The following GSTCD variants were observed in gnomAD, a reference collection of about 807,000 sequenced individuals.
GSTCD encodes glutathione S-transferase C-terminal domain-containing protein.
Under a neutral mutation model 68.3 loss-of-function variants are expected in GSTCD, and 44 were observed. The observed-to-expected ratio is 0.64, with a 90% CI of 0.51 to 0.83. The LOEUF (loss-of-function observed/expected upper bound fraction) is 0.83. Among genes scored for constraint, GSTCD ranks in the 40% least tolerant of loss-of-function variants. The pLI is 0.00. For synonymous variants in GSTCD, 273 were observed against 255.2 expected, an observed-to-expected ratio of 1.07 and a Z score of -0.67; for missense variants, 739 against 735.9, an observed-to-expected ratio of 1.00 and a Z score of -0.05.
At chr4:105,834,379 A>G in intron 8 of GSTCD, 82 bp from the exon 9 acceptor site, 1 of 1,365,016 alleles carries the variant, frequency 7.3e-7, no homozygotes, top group Non-Finnish European at 1.0e-6. Context: ...GGTATGGCCA[A>G]ATGAGAACTA....
chr4:105,780,695 C>T lies in GSTCD; in HGVS notation c.1241-42259C>T, dbSNP rs186600227. Reference sequence around the variant, plus strand: ...CACATTTAACTCATGTCAAATGATTCTTTTATAATAGAAGTATTAATTTAT... The same window carrying T: ...CACATTTAACTCATGTCAAATGATTTTTTTATAATAGAAGTATTAATTTAT... On this transcript the variant is annotated intron_variant, in intron 5 of 11. Coordinates refer to ENST00000515279, the MANE Select transcript of GSTCD (RefSeq NM_001370181.1). Among the ~76,000 whole-genome samples, 57 of 152,138 alleles carry T rather than the reference C, an allele frequency of 3.7e-4. 1 individual carries two copies. The East Asian group carries it at 0.011, about 29-fold the overall frequency.
intron 9 of GSTCD, among the ~76,000 whole-genome samples, chr4:105,836,640 G>C (rs933171882): frequency 3.9e-5 from 6 of 152,158 alleles, no homozygotes; most frequent in Non-Finnish European, 8.8e-5. Flanking sequence ...GGCGGGGGTG[G>C]GGGCTGGCAT....
rs529584846 is a variant in GSTCD, at chr4:105,824,906, A to G, written c.1402-766A>G. Among the ~76,000 whole-genome samples the G allele has an allele frequency of 5.3e-5, 8 of 151,686 alleles. No individual in the cohort carries two copies. The South Asian group carries it at 1.7e-3, about 32-fold the overall frequency. On this transcript the variant is annotated intron_variant, in intron 7 of 11. Coordinates refer to ENST00000515279, the MANE Select transcript of GSTCD (RefSeq NM_001370181.1). ...CTTCATGTGTTTCTCTCCCTAAAAT[A>G]CCCTTCCATTCCCCCCAAACCGATT...
chr4:105,740,937 A>G (rs1733613222), intron 5 of GSTCD, among the ~76,000 whole-genome samples: 1 of 151,312 alleles, frequency 6.6e-6, no homozygotes, highest in Non-Finnish European at 1.5e-5. Context: ...AGGCCCTATA[A>G]ATTTTCCTTA....
chr4:105,738,994 T>C (rs538528529), intron 5 of GSTCD, among the ~76,000 whole-genome samples: 5 of 152,342 alleles, frequency 3.3e-5, no homozygotes, highest in African/African-American at 1.2e-4. Flanking sequence ...ACCTTTATTA[T>C]GTTGAGGTAT....
At chr4:105,718,296 C>G (rs978259526) in intron 2 of GSTCD, among the ~76,000 whole-genome samples, 1 of 152,122 alleles carries the variant, frequency 6.6e-6, no homozygotes, top group African/African-American at 2.4e-5. Context: ...GCAGATGCCT[C>G]GTAAATGGCT....
At chr4:105,815,955 A>G (rs952694713) in intron 5 of GSTCD, among the ~76,000 whole-genome samples, 3 of 152,186 alleles carry the variant, frequency 2.0e-5, no homozygotes, top group African/African-American at 7.2e-5. Flanking sequence ...TGAAATGAAA[A>G]TATATGTGTT....
At chr4:105,756,032 A>G (rs1031011766) in intron 5 of GSTCD, among the ~76,000 whole-genome samples, 10 of 152,220 alleles carry the variant, frequency 6.6e-5, no homozygotes, top group Admixed American at 2.0e-4. Context: ...ATTCAGGGAA[A>G]CACTTGAATT....
At chr4:105,756,418 G>C (rs1734192282) in intron 5 of GSTCD, among the ~76,000 whole-genome samples, 2 of 151,562 alleles carry the variant, frequency 1.3e-5, no homozygotes, top group East Asian at 1.9e-4. Context: ...TAGAACGCAA[G>C]ACACTCCTAT....
intron 5 of GSTCD, among the ~76,000 whole-genome samples, chr4:105,812,351 T>C: frequency 6.6e-6 from 1 of 151,156 alleles, no homozygotes; most frequent in African/African-American, 2.5e-5. Context: ...ACACTATAGT[T>C]TTTTATTTTT....
chr4:105,793,763 T>A (rs984219730), intron 5 of GSTCD, among the ~76,000 whole-genome samples: 10 of 151,952 alleles, frequency 6.6e-5, no homozygotes, highest in African/African-American at 2.4e-4. Flanking sequence ...GTAAAAAAAA[T>A]TAATGAATTT....
At chr4:105,732,777 G>C (rs1006634123) in intron 5 of GSTCD, among the ~76,000 whole-genome samples, 18 of 152,034 alleles carry the variant, frequency 1.2e-4, no homozygotes, top group African/African-American at 4.4e-4. Context: ...TTTTAATTGT[G>C]ATGTTAGGAT....
chr4:105,770,607 G>A (rs1734807965), intron 5 of GSTCD, among the ~76,000 whole-genome samples: 1 of 152,074 alleles, frequency 6.6e-6, no homozygotes, highest in Non-Finnish European at 1.5e-5. Context: ...CCACTTATGA[G>A]TGAGAATATG....
intron 5 of GSTCD, among the ~76,000 whole-genome samples, chr4:105,770,480 G>A (rs780829815): frequency 1.8e-4 from 27 of 151,206 alleles, no homozygotes; most frequent in Non-Finnish European, 3.2e-4. Context: ...CCATCAATCC[G>A]TCACCTACAT....
rs543345024 is a variant in GSTCD at position 105,816,891 on chromosome 4, C to T, written c.1241-6063C>T. Among the ~76,000 whole-genome samples the T allele has an allele frequency of 2.6e-5, 4 of 152,032 alleles. No individual in the cohort carries two copies. In the South Asian group the frequency reaches 8.3e-4, roughly 32 times the overall value. On this transcript the variant is annotated intron_variant, in intron 5 of 11. Coordinates refer to ENST00000515279, the MANE Select transcript of GSTCD (RefSeq NM_001370181.1). Reference sequence around the variant, plus strand: ...GAGCAACCTATTTAGTGATCAGTGTCCTCATTTGTAAAATAAGAAAAATGT... The same window carrying T: ...GAGCAACCTATTTAGTGATCAGTGTTCTCATTTGTAAAATAAGAAAAATGT...
chr4:105,718,985 A>C (rs1447271196), intron 2 of GSTCD, 75 bp from the exon 3 acceptor site: 4 of 1,161,660 alleles, frequency 3.4e-6, no homozygotes, highest in East Asian at 4.9e-5. Context: ...ATTTCCCAAT[A>C]AGACAGTTAT....
Position 105,726,598 on chromosome 4 carries a change from T to A in GSTCD, c.914T>A (p.Phe305Tyr). The change falls in exon 4 of 12, where the codon TTT (phenylalanine) becomes TAT (tyrosine). Residue 305 changes from phenylalanine to tyrosine, a missense_variant. Phe to Tyr is a conservative substitution (Grantham distance 22, BLOSUM62 3). Coordinates refer to ENST00000515279, the MANE Select transcript of GSTCD (RefSeq NM_001370181.1). ...HHFLVIISRK[F>Y]SEKLVEFPLL... ...ACCTAGGTAATTATCAGCAGGAAAT[T>A]TTCTGAGAAGCTGGTAGAATTTCCA... The A allele has an allele frequency of 6.3e-7, 1 of 1,597,080 alleles. No individual in the cohort carries two copies. The highest frequency in any genetic ancestry group is 8.5e-7 in the Non-Finnish European group (1 of 1,170,442).
intron 4 of GSTCD, among the ~76,000 whole-genome samples, chr4:105,728,761 T>A (rs994461215): frequency 6.6e-6 from 1 of 151,986 alleles, no homozygotes; most frequent in South Asian, 2.1e-4. Context: ...TGAATCCATG[T>A]GTATGCCATG....
At chr4:105,819,810 T>G (rs2149272701) in intron 5 of GSTCD, among the ~76,000 whole-genome samples, 1 of 151,792 alleles carries the variant, frequency 6.6e-6, no homozygotes, top group South Asian at 2.1e-4. Flanking sequence ...TTGCTTTTGC[T>G]CTTGATTTTT....
Sources: allele counts gnomAD v4.1 joint callset (sites outside exome capture counted in the v4.1 genomes callset), GRCh38; gene constraint gnomAD v4.1.1; transcripts MANE v1.5; gene names NCBI Gene and HGNC (gene_info 2026-07-23, HGNC 2026-07-21).